PXDNL: variants seen among roughly 807,000 people sequenced by gnomAD.
The protein encoded by PXDNL is probable oxidoreductase PXDNL.
A neutral mutation model predicts 150.8 loss-of-function variants in PXDNL; 145 were observed. The observed-to-expected ratio is 0.96, with a 90% CI of 0.84 to 1.10. The LOEUF is 1.10. PXDNL is among the 50% of genes least tolerant of loss of function. The probability of loss-of-function intolerance (pLI) is 0.00; values close to 1 mark genes in which losing one functional copy is unlikely to be tolerated. For missense variants in PXDNL, 2,087 were observed against 1,873.9 expected, an observed-to-expected ratio of 1.11 and a Z score of -2.10; for synonymous variants, 757 against 725.7, an observed-to-expected ratio of 1.04 and a Z score of -0.69.
chr8:51,562,118 A>C (rs1812731822), intron 3 of PXDNL, among the ~76,000 whole-genome samples: 1 of 151,434 alleles, frequency 6.6e-6, no homozygotes, highest in Non-Finnish European at 1.5e-5. Flanking sequence ...TTATTATATG[A>C]GTAAGAAATT....
In PXDNL at chr8:51,404,400, TGATTGG is replaced by T. The variant is rs1259360791; in HGVS notation, c.3557+3661_3557+3666del. 3.6e-3 allele frequency among the ~76,000 whole-genome samples: 537 copies of T among 150,704 alleles called. 17 individuals are homozygous for T. The highest frequency in any genetic ancestry group is 0.013 in the African/African-American group (517 of 40,058). On this transcript the variant is annotated intron_variant, in intron 17 of 22. Coordinates refer to ENST00000356297, the MANE Select transcript of PXDNL (RefSeq NM_144651.5). ...AATCCCTGAGCTAGACACAGAGTCCTGATTGGTGCATTTATAATCCCCTAGCTAGAC... is the reference window on the plus strand; with the variant it reads ...AATCCCTGAGCTAGACACAGAGTCCTTGCATTTATAATCCCCTAGCTAGAC...
chr8:51,339,212 C>A (rs1173581382), intron 21 of PXDNL, among the ~76,000 whole-genome samples: 1 of 152,232 alleles, frequency 6.6e-6, no homozygotes, highest in African/African-American at 2.4e-5. Context: ...GTAATCCCAG[C>A]ACTTTGGGAG....
chr8:51,414,136 T>C (rs1460809679), intron 14 of PXDNL, among the ~76,000 whole-genome samples: 1 of 151,886 alleles, frequency 6.6e-6, no homozygotes, highest in Non-Finnish European at 1.5e-5. Context: ...GTATGTATTA[T>C]CCAAAAGAAC....
intron 17 of PXDNL, among the ~76,000 whole-genome samples, chr8:51,393,612 C>G (rs368376964): frequency 6.6e-6 from 1 of 152,354 alleles, no homozygotes; most frequent in African/African-American, 2.4e-5. Context: ...TCTTTGGAAC[C>G]TGTGAATATG....
chr8:51,502,312 G>A (rs981595265), intron 4 of PXDNL, among the ~76,000 whole-genome samples: 13 of 152,128 alleles, frequency 8.5e-5, no homozygotes, highest in African/African-American at 3.1e-4. Context: ...GATGAGCTAT[G>A]GAAACCTGAT....
chr8:51,418,180 T>C (rs895262520), intron 14 of PXDNL, among the ~76,000 whole-genome samples: 1 of 152,216 alleles, frequency 6.6e-6, no homozygotes, highest in Admixed American at 6.5e-5. Context: ...CGTGTATGTA[T>C]ACTAGGTAGA....
At chr8:51,437,259 T>C (rs1809429269) in intron 12 of PXDNL, among the ~76,000 whole-genome samples, 1 of 152,172 alleles carries the variant, frequency 6.6e-6, no homozygotes, top group Non-Finnish European at 1.5e-5. Context: ...TATCAGACAT[T>C]CAAAGAAGAA....
intron 1 of PXDNL, among the ~76,000 whole-genome samples, chr8:51,703,536 T>A (rs1816301666): frequency 6.6e-6 from 1 of 152,216 alleles, no homozygotes; most frequent in Admixed American, 6.5e-5. Context: ...TCTTGCAAAC[T>A]ATTAATGTCA....
intron 2 of PXDNL, among the ~76,000 whole-genome samples, chr8:51,623,871 C>T (rs1465544652): frequency 6.6e-6 from 1 of 152,074 alleles, no homozygotes; most frequent in Admixed American, 6.6e-5. Context: ...AGGTGGAAGG[C>T]TCACTTCAGG....
intron 1 of PXDNL, among the ~76,000 whole-genome samples, chr8:51,763,408 G>A (rs945189184): frequency 4.0e-5 from 6 of 151,732 alleles, no homozygotes; most frequent in African/African-American, 7.2e-5. Flanking sequence ...GCAAGCAAGC[G>A]CCAGACTCCA....
At chr8:51,358,629 C>T (rs1269903795) in intron 19 of PXDNL, among the ~76,000 whole-genome samples, 1 of 152,134 alleles carries the variant, frequency 6.6e-6, no homozygotes, top group Non-Finnish European at 1.5e-5. Flanking sequence ...GGAATGGTCT[C>T]GCCTGGCCCC....
chr8:51,775,368 G>C (rs2037340932), intron 1 of PXDNL, among the ~76,000 whole-genome samples: 1 of 152,002 alleles, frequency 6.6e-6, no homozygotes, highest in South Asian at 2.1e-4. Context: ...AACTTAAATG[G>C]CTCGTTATAT....
intron 3 of PXDNL, among the ~76,000 whole-genome samples, chr8:51,587,480 T>A (rs1006797705): frequency 6.6e-6 from 1 of 152,198 alleles, no homozygotes; most frequent in African/African-American, 2.4e-5. Flanking sequence ...CAAAACTCAC[T>A]AGAATTTCAG....
rs1382975864 is a variant in PXDNL at position 51,457,602 on chromosome 8, C to T, written c.878G>A (p.Arg293Gln). 7.4e-6 allele frequency: 12 copies of T among 1,613,708 alleles called. No individual in the cohort carries two copies. Among genetic ancestry groups the T allele is most frequent in the South Asian group, 1.1e-5 (1 of 91,070 alleles). The part of the protein sequence containing the change: ...NVFDDGTLMI[R>Q]NTRESDQGVY... The stretch of plus-strand genomic sequence containing the variant: ...ACCTTGGTCTGACTCTCTGGTGTTT[C>T]GGATCATGAGTGTGCCATCATCAAA... Residue 293 changes from arginine to glutamine, a missense_variant, in exon 9 of 23, where the codon CGA becomes CAA. Coordinates refer to ENST00000356297, the MANE Select transcript of PXDNL (RefSeq NM_144651.5).
intron 12 of PXDNL, among the ~76,000 whole-genome samples, chr8:51,446,045 A>C (rs1809665378): frequency 6.6e-6 from 1 of 152,188 alleles, no homozygotes; most frequent in Non-Finnish European, 1.5e-5. Context: ...TCTTTTTTAA[A>C]AAAAACATTT....
intron 1 of PXDNL, among the ~76,000 whole-genome samples, chr8:51,687,586 C>T (rs1233777365): frequency 5.3e-5 from 8 of 152,178 alleles, no homozygotes; most frequent in African/African-American, 1.9e-4. Flanking sequence ...TTAGAAAAGT[C>T]ACATGACTGA....
At chr8:51,623,198 G>A (rs1039032275) in intron 2 of PXDNL, among the ~76,000 whole-genome samples, 3 of 152,154 alleles carry the variant, frequency 2.0e-5, no homozygotes, top group Non-Finnish European at 2.9e-5. Context: ...TGCCTCTGCT[G>A]GAGAAAGCGA....
intron 4 of PXDNL, among the ~76,000 whole-genome samples, chr8:51,508,468 C>A (rs1037811984): frequency 6.6e-6 from 1 of 152,114 alleles, no homozygotes; most frequent in Admixed American, 6.5e-5. Flanking sequence ...GTCGGTTAGT[C>A]CCTCTCCCTG....
chr8:51,699,277 T>C (rs962691693), intron 1 of PXDNL, among the ~76,000 whole-genome samples: 1 of 152,234 alleles, frequency 6.6e-6, no homozygotes, highest in Non-Finnish European at 1.5e-5. Context: ...CTGGATCTTC[T>C]GGATAACTCG....
Sources: gnomAD v4.1 joint callset for allele counts (sites outside exome capture counted in the v4.1 genomes callset) on GRCh38, gnomAD v4.1.1 for gene constraint, MANE v1.5 for transcripts, NCBI Gene and HGNC (gene_info 2026-07-23, HGNC 2026-07-21) for gene names.